The following RYR2 variants were observed in gnomAD, a reference collection of about 807,000 sequenced individuals.
RYR2 encodes the protein cardiac muscle ryanodine receptor-calcium release channel.
Under a neutral mutation model 601.1 loss-of-function variants are expected in RYR2, and 227 were observed. The ratio of observed to expected loss-of-function variants is 0.38; its 90% CI spans 0.34 to 0.42. The LOEUF (loss-of-function observed/expected upper bound fraction) is 0.42. RYR2 is among the 10% of genes least tolerant of loss of function. The pLI, the probability that RYR2 is intolerant of heterozygous loss-of-function variation, is 1.00. For missense variants in RYR2, 4,646 were observed against 6,156.5 expected (o/e 0.75, Z 8.21); for synonymous variants, 2,223 against 2,175.1 (o/e 1.02, Z -0.61).
intron 1 of RYR2, among the ~76,000 whole-genome samples, chr1:237,044,765 T>C (rs1660349946): frequency 6.7e-6 from 1 of 148,524 alleles, no homozygotes; most frequent in Admixed American, 6.8e-5. Flanking sequence ...TTACCCTCCA[T>C]CCTTCCCTCC....
chr1:237,126,053 A>G (rs901606784), intron 1 of RYR2, among the ~76,000 whole-genome samples: 14 of 152,198 alleles, frequency 9.2e-5, no homozygotes, highest in Non-Finnish European at 2.1e-4. Context: ...CCTGGCCAAC[A>G]TGGCAAAACC....
Position 237,610,365 on chromosome 1 carries a change from A to G in RYR2, c.4684-397A>G, listed in dbSNP as rs1677702314. On this transcript the variant is annotated intron_variant, in intron 35 of 104. Coordinates refer to ENST00000366574, the MANE Select transcript of RYR2 (RefSeq NM_001035.3). The surrounding 1 kb of genome is among the most constrained non-coding windows in gnomAD (Gnocchi z 4.9). ...AGAACAGATATTGAGAGAGAGAGCC[A>G]GGGGGATGTGACATATCTGTCATTC... 6.6e-6 allele frequency among the ~76,000 whole-genome samples: 1 copy of G among 152,088 alleles called. No homozygotes were observed.
chr1:237,554,808 A>G (rs1670726025), intron 27 of RYR2, among the ~76,000 whole-genome samples: 1 of 152,060 alleles, frequency 6.6e-6, no homozygotes. Context: ...TAATGTCTGT[A>G]GGATCTTTAA....
chr1:237,074,210 G>A (rs1011915947), intron 1 of RYR2, among the ~76,000 whole-genome samples: 26 of 151,890 alleles, frequency 1.7e-4, no homozygotes, highest in Non-Finnish European at 3.5e-4. Context: ...CCAGCTACTT[G>A]GGAGGCTGAG....
At chr1:237,096,929 C>T (rs933403295) in intron 1 of RYR2, among the ~76,000 whole-genome samples, 1 of 152,178 alleles carries the variant, frequency 6.6e-6, no homozygotes, top group Non-Finnish European at 1.5e-5. Context: ...ATTGGTCTGT[C>T]CTGCAGGTCT....
intron 58 of RYR2, among the ~76,000 whole-genome samples, chr1:237,671,218 G>A (rs1295156068): frequency 6.6e-6 from 1 of 152,156 alleles, no homozygotes; most frequent in Admixed American, 6.5e-5. Context: ...AGTAGGAAAC[G>A]TGTTGAACTA....
chr1:237,221,406 C>T (rs911487257), intron 1 of RYR2, among the ~76,000 whole-genome samples: 1 of 151,954 alleles, frequency 6.6e-6, no homozygotes, highest in African/African-American at 2.4e-5. Context: ...TGAAGAAAGT[C>T]GTTTATATTA....
chr1:237,051,838 T>A (rs1306334222), intron 1 of RYR2, among the ~76,000 whole-genome samples: 1 of 152,146 alleles, frequency 6.6e-6, no homozygotes, highest in Non-Finnish European at 1.5e-5. Flanking sequence ...GAACTCTCAC[T>A]TAATCTTGCC....
At chr1:237,520,191 A>G (rs1307652969) in intron 24 of RYR2, among the ~76,000 whole-genome samples, 1 of 152,194 alleles carries the variant, frequency 6.6e-6, no homozygotes, top group East Asian at 1.9e-4. Context: ...CATTTATCAA[A>G]TAAGAGTTTT....
chr1:237,063,395 C>T (rs77780352), intron 1 of RYR2, among the ~76,000 whole-genome samples: 5,446 of 152,100 alleles, frequency 0.036, 134 homozygotes, highest in Non-Finnish European at 0.053. Flanking sequence ...CTTCTATTAG[C>T]TTGTGAGTTA....
chr1:237,410,405 C>T lies in RYR2; in HGVS notation c.774-6644C>T, dbSNP rs74502713. The stretch of plus-strand genomic sequence containing the variant: ...GACATTTCCTTCAATTTATGAAAGA[C>T]CCTAGACCCTGGATTTTATCCAGCT... On this transcript the variant is annotated intron_variant, in intron 10 of 104. Transcript: ENST00000366574. Among the ~76,000 whole-genome samples the T allele has an allele frequency of 8.3e-3, 1,262 of 152,242 alleles. 9 individuals carry two copies. Among genetic ancestry groups the T allele is most frequent in the Non-Finnish European group, 0.013 (874 of 68,010 alleles).
intron 1 of RYR2, among the ~76,000 whole-genome samples, chr1:237,054,988 T>C (rs970595652): frequency 1.3e-5 from 2 of 152,182 alleles, no homozygotes; most frequent in African/African-American, 4.8e-5. Context: ...TTTCCTTTCC[T>C]TGTTGGCTCA....
chr1:237,377,369 A>C lies in RYR2; in HGVS notation c.510A>C (p.Ser170=), dbSNP rs1057523213. ...WTIHPASKQR[S]EGEKVRVGDD... The stretch of plus-strand genomic sequence containing the variant: ...TACACCCTGCCTCTAAGCAGCGATC[A>C]GAAGGAGAAAAAGTACGAGTTGGAG... Residue 170 remains serine, a synonymous_variant, in exon 8 of 105, where the codon TCA becomes TCC. Transcript: ENST00000366574. The C allele has an allele frequency of 1.2e-6, 2 of 1,613,734 alleles. No homozygotes were observed. The highest frequency in any genetic ancestry group is 1.7e-6 in the Non-Finnish European group (2 of 1,179,694).
chr1:237,416,841 A>G (rs1471849024), intron 10 of RYR2, among the ~76,000 whole-genome samples: 1 of 152,060 alleles, frequency 6.6e-6, no homozygotes, highest in Non-Finnish European at 1.5e-5. Context: ...ATCATTGTTT[A>G]TTCAGGGAAA....
chr1:237,273,411 G>T (rs1157201305), intron 2 of RYR2, among the ~76,000 whole-genome samples: 2 of 152,158 alleles, frequency 1.3e-5, no homozygotes, highest in African/African-American at 4.8e-5. Context: ...AGGGGCCACT[G>T]ACTGGCACTG....
intron 4 of RYR2, among the ~76,000 whole-genome samples, chr1:237,356,302 C>T (rs1699288288): frequency 7.0e-6 from 1 of 143,474 alleles, no homozygotes. Context: ...TGTATATCTT[C>T]TGCAAAAAAA....
chr1:237,684,671 G>A (rs1686209128), intron 62 of RYR2, among the ~76,000 whole-genome samples: 1 of 152,072 alleles, frequency 6.6e-6, no homozygotes, highest in Admixed American at 6.6e-5. Context: ...GGTACCCGCA[G>A]GTCATTCAGT....
intron 2 of RYR2, among the ~76,000 whole-genome samples, chr1:237,276,387 A>C (rs1222360311): frequency 6.6e-6 from 1 of 152,220 alleles, no homozygotes; most frequent in African/African-American, 2.4e-5. Context: ...AGCGTGAGCC[A>C]CCACGCCTGG....
chr1:237,695,070 A>G (rs1257874306), intron 63 of RYR2, among the ~76,000 whole-genome samples: 14 of 152,204 alleles, frequency 9.2e-5, no homozygotes, highest in Admixed American at 8.5e-4. Flanking sequence ...CAGATTATAA[A>G]ACAGAACTGG....
Sources: gnomAD v4.1 joint callset for allele counts (sites outside exome capture counted in the v4.1 genomes callset) on GRCh38, gnomAD v4.1.1 for gene constraint, Gnocchi (gnomAD v3.1) non-coding constraint, MANE v1.5 for transcripts, NCBI Gene and HGNC (gene_info 2026-07-23, HGNC 2026-07-21) for gene names.